DLC1: variants seen among roughly 807,000 people sequenced by gnomAD.
DLC1 encodes the protein DLC1 Rho GTPase activating protein, also known as rho GTPase-activating protein 7.
Under a neutral mutation model 140.3 loss-of-function variants are expected in DLC1, and 54 were observed. That is an observed-to-expected ratio of 0.38 (90% CI 0.31 to 0.48). The LOEUF (loss-of-function observed/expected upper bound fraction) is 0.48, where lower values mean the gene tolerates loss of function less well. Among genes scored for constraint, DLC1 ranks in the 20% least tolerant of loss-of-function variants. DLC1 has a pLI of 0.96. For synonymous variants in DLC1, 986 were observed against 728.1 expected (o/e 1.35, Z -5.70); for missense variants, 2,536 against 1,907.0 (o/e 1.33, Z -6.14).
chr8:13,214,884 C>A (rs1158395003), intron 5 of DLC1: 2 of 689,370 alleles, frequency 2.9e-6, no homozygotes, highest in Non-Finnish European at 5.3e-6. Context: ...CTTTTGTAAG[C>A]GCCTTGCTCC....
chr8:13,570,946 A>G (rs1395028506), intron 1 of DLC1, among the ~76,000 whole-genome samples: 1 of 152,154 alleles, frequency 6.6e-6, no homozygotes, highest in Non-Finnish European at 1.5e-5. Flanking sequence ...CATGGTGCAG[A>G]CAGGTATCTT....
intron 5 of DLC1, among the ~76,000 whole-genome samples, chr8:13,252,417 C>G (rs1264707516): frequency 3.3e-5 from 5 of 152,130 alleles, no homozygotes; most frequent in Non-Finnish European, 5.9e-5. Context: ...AACTCTTGTT[C>G]ATTGTTAAGA....
chr8:13,553,251 T>C (rs1465692845), intron 1 of DLC1, among the ~76,000 whole-genome samples: 2 of 136,394 alleles, frequency 1.5e-5, no homozygotes, highest in Non-Finnish European at 1.6e-5. Context: ...TATATATATA[T>C]GTATCACCTT....
intron 5 of DLC1, among the ~76,000 whole-genome samples, chr8:13,209,596 G>C (rs931399993): frequency 6.6e-6 from 1 of 152,114 alleles, no homozygotes; most frequent in Non-Finnish European, 1.5e-5. Context: ...TGTTGGAGGT[G>C]GGACCTGGTG....
intron 1 of DLC1, among the ~76,000 whole-genome samples, chr8:13,563,653 C>G (rs1299385691): frequency 6.6e-6 from 1 of 151,996 alleles, no homozygotes; most frequent in Non-Finnish European, 1.5e-5. Flanking sequence ...AGAGGAGAAA[C>G]AGATCTCAAA....
intron 5 of DLC1, among the ~76,000 whole-genome samples, chr8:13,159,191 A>T (rs11780403): frequency 6.6e-6 from 1 of 152,118 alleles, no homozygotes; most frequent in Non-Finnish European, 1.5e-5. Context: ...AGCCCAAGAA[A>T]CTGTAAGAGA....
At chr8:13,257,912 G>A (rs1420908061) in intron 5 of DLC1, among the ~76,000 whole-genome samples, 1 of 152,152 alleles carries the variant, frequency 6.6e-6, no homozygotes, top group South Asian at 2.1e-4. Flanking sequence ...TGAAAAAGCT[G>A]TTTTCTAGCT....
intron 2 of DLC1, among the ~76,000 whole-genome samples, chr8:13,416,372 G>A (rs1301994332): frequency 1.3e-5 from 2 of 152,152 alleles, no homozygotes; most frequent in Non-Finnish European, 2.9e-5. Context: ...ACCATGTGAT[G>A]TGATTTGATA....
chr8:13,290,370 G>T (rs192330461), intron 5 of DLC1, among the ~76,000 whole-genome samples: 13 of 152,246 alleles, frequency 8.5e-5, no homozygotes, highest in Admixed American at 7.2e-4. Context: ...AGCAGGCCTG[G>T]AGGCATCCAG....
chr8:13,105,079 G>C (rs1317394114), intron 7 of DLC1, among the ~76,000 whole-genome samples: 1 of 148,430 alleles, frequency 6.7e-6, no homozygotes, highest in Non-Finnish European at 1.5e-5. Context: ...TGGTTGAATG[G>C]TGTTTATAAC....
At chr8:13,203,782 C>CA (rs981111545) in intron 5 of DLC1, among the ~76,000 whole-genome samples, 1 of 151,958 alleles carries the variant, frequency 6.6e-6, no homozygotes, top group Admixed American at 6.6e-5. Context: ...CTTTTACTTG[C>CA]AAAAAAACCT....
intron 1 of DLC1, among the ~76,000 whole-genome samples, chr8:13,521,488 G>A (rs911793015): frequency 2.0e-5 from 3 of 152,016 alleles, no homozygotes; most frequent in African/African-American, 7.2e-5. Context: ...TTCAAATGGG[G>A]CCACGCATTC....
chr8:13,203,843 T>C (rs1301419698), intron 5 of DLC1, among the ~76,000 whole-genome samples: 1 of 152,168 alleles, frequency 6.6e-6, no homozygotes, highest in Non-Finnish European at 1.5e-5. Flanking sequence ...GGAAAAGAGC[T>C]CTCTAGTTTA....
chr8:13,371,752 A>C (rs1835741003), intron 4 of DLC1, among the ~76,000 whole-genome samples: 2 of 152,264 alleles, frequency 1.3e-5, no homozygotes, highest in South Asian at 4.1e-4. Context: ...CCTGAGTTAG[A>C]GTTGGCTGTG....
At chr8:13,523,997 G>A (rs1254889767) in intron 1 of DLC1, among the ~76,000 whole-genome samples, 1 of 151,714 alleles carries the variant, frequency 6.6e-6, no homozygotes, top group South Asian at 2.1e-4. Context: ...CAAAGGGACT[G>A]ATTTCAGTTG....
intron 5 of DLC1, among the ~76,000 whole-genome samples, chr8:13,274,351 C>G (rs908621921): frequency 6.6e-6 from 1 of 152,210 alleles, no homozygotes; most frequent in African/African-American, 2.4e-5. Flanking sequence ...AAAGTCTTTT[C>G]CTTTCAAGCA....
chr8:13,402,180 G>C (rs948849406), intron 2 of DLC1, among the ~76,000 whole-genome samples: 32 of 152,088 alleles, frequency 2.1e-4, no homozygotes, highest in African/African-American at 7.2e-4. Context: ...CTTCTCTTGA[G>C]TTTCTTTTAT....
chr8:13,376,469 C>T (rs112104597), intron 4 of DLC1, among the ~76,000 whole-genome samples: 2 of 152,124 alleles, frequency 1.3e-5, no homozygotes, highest in African/African-American at 2.4e-5. Flanking sequence ...GTAGAACCCC[C>T]TCCTCTTCTC....
chr8:13,221,884 A>C (rs1450544280), intron 5 of DLC1, among the ~76,000 whole-genome samples: 1 of 143,696 alleles, frequency 7.0e-6, no homozygotes, highest in Non-Finnish European at 1.5e-5. Context: ...TAATACATTA[A>C]TATATAATTA....
Sources: allele counts gnomAD v4.1 joint callset (sites outside exome capture counted in the v4.1 genomes callset), GRCh38; gene constraint gnomAD v4.1.1; transcripts MANE v1.5; gene names NCBI Gene and HGNC (gene_info 2026-07-23, HGNC 2026-07-21).